FMN1: variants seen among roughly 807,000 people sequenced by gnomAD.
The protein encoded by FMN1 is formin-1.
In FMN1, 110 loss-of-function variants were observed where a neutral mutation model predicts 132.4. That is an observed-to-expected ratio of 0.83 (90% confidence interval 0.71 to 0.97). The LOEUF is 0.97. Among genes scored for constraint, FMN1 ranks in the 50% least tolerant of loss-of-function variants. The pLI is 0.00. For missense variants in FMN1, 1,792 were observed against 1,705.3 expected, an observed-to-expected ratio of 1.05 and a Z score of -0.90; for synonymous variants, 722 against 651.7, an observed-to-expected ratio of 1.11 and a Z score of -1.64.
intron 19 of FMN1, among the ~76,000 whole-genome samples, chr15:32,779,388 G>A (rs1402118888): frequency 6.6e-6 from 1 of 152,158 alleles, no homozygotes; most frequent in Non-Finnish European, 1.5e-5. Context: ...CCATCAGGTT[G>A]GCAAATGTAA....
At chr15:33,057,765 A>G (rs1326031220) in intron 6 of FMN1, among the ~76,000 whole-genome samples, 2 of 152,184 alleles carry the variant, frequency 1.3e-5, no homozygotes, top group African/African-American at 2.4e-5. Context: ...CTTGGGGGGA[A>G]AAGTGCTTCC....
chr15:32,911,127 C>T (rs1339867636), intron 10 of FMN1, among the ~76,000 whole-genome samples: 4 of 152,142 alleles, frequency 2.6e-5, no homozygotes, highest in Non-Finnish European at 4.4e-5. Context: ...ATTCCCATGG[C>T]TTTATTAGGA....
intron 17 of FMN1, chr15:32,811,165 CAG>C (rs1411798568): frequency 2.2e-6 from 1 of 450,676 alleles, no homozygotes; most frequent in African/African-American, 2.0e-5. Context: ...GTTTGTGATG[CAG>C]AGTTCTTACC....
chr15:32,894,090 A>G (rs1023329781), intron 15 of FMN1, among the ~76,000 whole-genome samples: 3 of 152,138 alleles, frequency 2.0e-5, no homozygotes, highest in African/African-American at 7.2e-5. Context: ...TCATCTCCTC[A>G]TATCTAGTTC....
intron 19 of FMN1, among the ~76,000 whole-genome samples, chr15:32,789,170 T>A (rs1339316273): frequency 6.6e-6 from 1 of 152,140 alleles, no homozygotes; most frequent in East Asian, 1.9e-4. Context: ...GAAAACAAAG[T>A]GGTACAAGAC....
At chr15:33,133,529 A>G (rs577819820) in intron 4 of FMN1, among the ~76,000 whole-genome samples, 1 of 152,336 alleles carries the variant, frequency 6.6e-6, no homozygotes, top group East Asian at 1.9e-4. Flanking sequence ...CCCATTAGCT[A>G]CTTGACCTAA....
At chr15:32,922,119 A>C (rs1471388089) in intron 10 of FMN1, among the ~76,000 whole-genome samples, 1 of 152,094 alleles carries the variant, frequency 6.6e-6, no homozygotes, top group Admixed American at 6.6e-5. Flanking sequence ...GGGCTGCTTT[A>C]CATCTCTCCC....
chr15:32,793,318 T>C (rs1435927923), intron 19 of FMN1, among the ~76,000 whole-genome samples: 1 of 152,150 alleles, frequency 6.6e-6, no homozygotes, highest in Non-Finnish European at 1.5e-5. Flanking sequence ...CTCACTCTGT[T>C]GCCCAGGCTG....
intron 17 of FMN1, among the ~76,000 whole-genome samples, chr15:32,845,917 T>C (rs2058844617): frequency 6.6e-6 from 1 of 151,936 alleles, no homozygotes; most frequent in Non-Finnish European, 1.5e-5. Flanking sequence ...ATCTTCATAA[T>C]GACACTGTGT....
chr15:33,126,012 A>G (rs939824969), intron 4 of FMN1, among the ~76,000 whole-genome samples: 8 of 140,080 alleles, frequency 5.7e-5, no homozygotes, highest in African/African-American at 2.2e-4. Flanking sequence ...TACACATGAG[A>G]TAACAGTAAT....
At chr15:32,984,402 A>G (rs1248172397) in intron 7 of FMN1, among the ~76,000 whole-genome samples, 2 of 152,198 alleles carry the variant, frequency 1.3e-5, no homozygotes, top group African/African-American at 2.4e-5. Flanking sequence ...TCCAAGACAG[A>G]TAAGGGCTAT....
chr15:32,827,297 T>C (rs1302133733), intron 17 of FMN1, among the ~76,000 whole-genome samples: 1 of 152,214 alleles, frequency 6.6e-6, no homozygotes, highest in Non-Finnish European at 1.5e-5. Flanking sequence ...GGCAGCATTA[T>C]CTTGAGCAGA....
At chr15:32,926,131 A>T (rs1174636034) in intron 10 of FMN1, 43 bp downstream of exon 10, 7 of 1,089,574 alleles carry the variant, frequency 6.4e-6, no homozygotes, top group Admixed American at 2.7e-5. Flanking sequence ...AATGTTTTTT[A>T]AAAAATGGAA....
chr15:32,786,431 C>A (rs2056880690), intron 19 of FMN1, among the ~76,000 whole-genome samples: 1 of 152,050 alleles, frequency 6.6e-6, no homozygotes. Flanking sequence ...TCAGGGACAG[C>A]TTCTATGAGC....
chr15:32,839,566 A>ACTC (rs2141205457), intron 17 of FMN1, among the ~76,000 whole-genome samples: 1 of 152,062 alleles, frequency 6.6e-6, no homozygotes, highest in South Asian at 2.1e-4. Flanking sequence ...ATGATAAGCT[A>ACTC]CTCCAAACAT....
At chr15:33,088,292 T>A (rs2141356542) in intron 5 of FMN1, among the ~76,000 whole-genome samples, 1 of 152,340 alleles carries the variant, frequency 6.6e-6, no homozygotes, top group Middle Eastern at 3.4e-3. Flanking sequence ...GGGAGGTGGT[T>A]ATGTTTTTTA....
intron 19 of FMN1, among the ~76,000 whole-genome samples, chr15:32,797,271 T>C (rs2057320940): frequency 6.6e-6 from 1 of 152,170 alleles, no homozygotes. Context: ...TTTTAGACCA[T>C]TTTTAGGGCC....
At chr15:33,178,370 A>G (rs1475480278) in intron 3 of FMN1, among the ~76,000 whole-genome samples, 2 of 152,026 alleles carry the variant, frequency 1.3e-5, no homozygotes, top group Non-Finnish European at 2.9e-5. Flanking sequence ...AAAGGCAAAA[A>G]TTTTCAACTT....
chr15:33,002,150 A>G lies in FMN1; in HGVS notation c.2223+5864T>C, dbSNP rs74012453. On this transcript the variant is annotated intron_variant, in intron 7 of 20. Coordinates refer to ENST00000616417, the MANE Select transcript of FMN1 (RefSeq NM_001277313.2). ...AAAAGACCTAAATGTGATACTTATC[A>G]ATTCTTGTACATGGTGACAGAATGA... Among the ~76,000 whole-genome samples the G allele has an allele frequency of 8.7e-3, 1,331 of 152,336 alleles. 25 individuals carry two copies. The highest frequency in any genetic ancestry group is 0.031 in the African/African-American group (1,277 of 41,574).
Sources: gnomAD v4.1 joint callset for allele counts (sites outside exome capture counted in the v4.1 genomes callset) on GRCh38, gnomAD v4.1.1 for gene constraint, MANE v1.5 for transcripts, NCBI Gene and HGNC (gene_info 2026-07-23, HGNC 2026-07-21) for gene names.